The following MEI1 variants were observed in gnomAD, a reference collection of about 807,000 sequenced individuals.
MEI1 encodes the protein meiotic double-stranded break formation protein 1.
A neutral mutation model predicts 146.2 loss-of-function variants in MEI1; 103 were observed. That is an observed-to-expected ratio of 0.70 (90% CI 0.60 to 0.83). The LOEUF (loss-of-function observed/expected upper bound fraction) is 0.83. Among genes scored for constraint, MEI1 ranks in the 40% least tolerant of loss-of-function variants. MEI1 has a pLI of 0.00. For synonymous variants in MEI1, 652 were observed against 628.2 expected, an observed-to-expected ratio of 1.04 and a Z score of -0.57; for missense variants, 1,529 against 1,533.0, an observed-to-expected ratio of 1.00 and a Z score of 0.04.
chr22:41,742,825 G>A (rs888390851), intron 11 of MEI1, among the ~76,000 whole-genome samples: 2 of 152,074 alleles, frequency 1.3e-5, no homozygotes, highest in African/African-American at 2.4e-5. Flanking sequence ...GCTAATTTTT[G>A]TGGAGACTGG....
chr22:41,712,746 G>A (rs2069708745), intron 3 of MEI1, among the ~76,000 whole-genome samples: 1 of 149,900 alleles, frequency 6.7e-6, no homozygotes, highest in African/African-American at 2.5e-5. Flanking sequence ...ACAATATATT[G>A]GGCTTTTCCC....
chr22:41,735,697 G>C (rs1443312280), intron 11 of MEI1, among the ~76,000 whole-genome samples: 2 of 152,126 alleles, frequency 1.3e-5, no homozygotes, highest in Non-Finnish European at 2.9e-5. Flanking sequence ...TATCTTGAAA[G>C]AAAATTCTCT....
intron 15 of MEI1, 111 bp from the exon 16 acceptor site, chr22:41,752,480 C>T: frequency 2.0e-6 from 2 of 985,178 alleles, no homozygotes; most frequent in Admixed American, 2.1e-5. Flanking sequence ...ACATTTTGAA[C>T]CAAGTCTGTG....
chr22:41,717,764 T>C (rs2147366461), intron 5 of MEI1, among the ~76,000 whole-genome samples: 1 of 151,946 alleles, frequency 6.6e-6, no homozygotes, highest in Non-Finnish European at 1.5e-5. Context: ...TACAGGCGTG[T>C]GCCAGCATGC....
chr22:41,709,079 C>T, intron 3 of MEI1: 1 of 546,830 alleles, frequency 1.8e-6, no homozygotes, highest in East Asian at 3.5e-5. Flanking sequence ...ATGCCCCTTC[C>T]CCAAAATATA....
chr22:41,734,345 C>T (rs1237237528), intron 11 of MEI1, among the ~76,000 whole-genome samples: 1 of 152,070 alleles, frequency 6.6e-6, no homozygotes, highest in African/African-American at 2.4e-5. Flanking sequence ...ATAATCCCAG[C>T]ACTTTGGGAG....
chr22:41,783,588 G>A (rs770837243), intron 24 of MEI1, among the ~76,000 whole-genome samples: 2 of 152,170 alleles, frequency 1.3e-5, no homozygotes, highest in Non-Finnish European at 2.9e-5. Flanking sequence ...CACTGTGCCC[G>A]GCTTGTCTTA....
At position 41,723,061 on chromosome 22, in the gene MEI1, C is replaced by T. The variant is rs118172140; in HGVS notation, c.734-882C>T. On this transcript the variant is annotated intron_variant, in intron 6 of 30. Coordinates refer to ENST00000401548, the MANE Select transcript of MEI1 (RefSeq NM_152513.4). ...CTTCTCCCCACTTCACCTACTTTTA[C>T]GTACTTATTTTTCAGATTCAGCTTA... 7.4e-3 allele frequency among the ~76,000 whole-genome samples: 1,128 copies of T among 152,294 alleles called. 10 individuals are homozygous for T. The highest frequency in any genetic ancestry group is 0.03 in the South Asian group (147 of 4,830).
At chr22:41,752,691 C>A (rs1419476408) in intron 16 of MEI1, 40 bp downstream of exon 16, 1 of 1,531,020 alleles carries the variant, frequency 6.5e-7, no homozygotes, top group Non-Finnish European at 8.9e-7. Flanking sequence ...GCCAAGGGGC[C>A]AATGTCCCTC....
chr22:41,714,292 TG>T (rs1439710618), intron 4 of MEI1, among the ~76,000 whole-genome samples: 2 of 152,204 alleles, frequency 1.3e-5, no homozygotes, highest in Admixed American at 6.5e-5. Flanking sequence ...ATCTCCCAAA[TG>T]TTACCTCCAT....
Position 41,795,370 on chromosome 22 carries a change from C to A in MEI1, c.3535-41C>A. ...GCAGTTGTCTATGATGAAGGAGATGCCAAATCACTGGGTGTTTGGGGGTTT... is the reference window on the plus strand; with the variant it reads ...GCAGTTGTCTATGATGAAGGAGATGACAAATCACTGGGTGTTTGGGGGTTT... On this transcript the variant is annotated intron_variant, in intron 28 of 30. Coordinates refer to ENST00000401548, the MANE Select transcript of MEI1 (RefSeq NM_152513.4). The surrounding 1 kb of genome is among the most constrained non-coding windows in gnomAD (Gnocchi z 4.2). The A allele has an allele frequency of 6.2e-7, 1 of 1,609,206 alleles. No homozygotes were observed. The highest frequency in any genetic ancestry group is 8.5e-7 in the Non-Finnish European group (1 of 1,176,814).
At position 41,795,660 on chromosome 22, in the gene MEI1, A is replaced by C. The variant is rs1341904495; in HGVS notation, c.3667-75A>C. ...AAGGAATGGGAGGAGGGAAGTACAG[A>C]GGATGGAGGCAGTTAGGGCCTGTGT... On this transcript the variant is annotated intron_variant, in intron 29 of 30. Transcript: ENST00000401548. The surrounding 1 kb of genome is among the most constrained non-coding windows in gnomAD (Gnocchi z 4.2). The C allele has an allele frequency of 1.7e-5, 27 of 1,589,626 alleles. No homozygotes were observed. The highest frequency in any genetic ancestry group is 2.1e-5 in the Non-Finnish European group (25 of 1,164,448).
chr22:41,764,618 G>T (rs953134579), intron 19 of MEI1, among the ~76,000 whole-genome samples: 2 of 152,230 alleles, frequency 1.3e-5, no homozygotes, highest in Non-Finnish European at 2.9e-5. Flanking sequence ...CTATGAAATA[G>T]GTGAGAGGTT....
At chr22:41,785,396 G>A (rs1320582502) in intron 26 of MEI1, among the ~76,000 whole-genome samples, 1 of 151,676 alleles carries the variant, frequency 6.6e-6, no homozygotes, top group Non-Finnish European at 1.5e-5. Context: ...CCGAGTAGCT[G>A]GGACTACAGG....
At chr22:41,787,345 A>G (rs2076028234) in intron 26 of MEI1, among the ~76,000 whole-genome samples, 1 of 152,196 alleles carries the variant, frequency 6.6e-6, no homozygotes, top group African/African-American at 2.4e-5. Flanking sequence ...TACAGTGAAC[A>G]TTCATACACC....
chr22:41,742,176 C>T lies in MEI1; in HGVS notation c.1332-904C>T, dbSNP rs183449954. On this transcript the variant is annotated intron_variant, in intron 11 of 30. Transcript: ENST00000401548. Reference sequence around the variant, plus strand: ...TCAGGTGGCTGAGGCAGGAGAATTGCTTGGATCTGGGAGATGGAGGTTGCA... The same window carrying T: ...TCAGGTGGCTGAGGCAGGAGAATTGTTTGGATCTGGGAGATGGAGGTTGCA... Among the ~76,000 whole-genome samples, 455 of 152,166 alleles carry T rather than the reference C, an allele frequency of 3.0e-3. 3 individuals are homozygous for T. The highest frequency in any genetic ancestry group is 0.01 in the African/African-American group (429 of 41,504).
chr22:41,714,256 T>C (rs553815271), intron 4 of MEI1, among the ~76,000 whole-genome samples, 181 bp downstream of exon 4: 1 of 152,278 alleles, frequency 6.6e-6, no homozygotes, highest in South Asian at 2.1e-4. Context: ...CCAGTGTTCT[T>C]TACAGCTTTC....
intron 30 of MEI1, among the ~76,000 whole-genome samples, chr22:41,796,546 G>A (rs559774311): frequency 6.6e-6 from 1 of 152,212 alleles, no homozygotes; most frequent in South Asian, 2.1e-4. Flanking sequence ...GGTACTTGTA[G>A]TACAGGTTGA....
chr22:41,742,949 G>A (rs1328950977), intron 11 of MEI1, 131 bp from the exon 12 acceptor site: 7 of 625,514 alleles, frequency 1.1e-5, no homozygotes, highest in Non-Finnish European at 2.0e-5. Flanking sequence ...CTGGCCTGGA[G>A]TAAGGATTTT....
Sources: allele counts gnomAD v4.1 joint callset (sites outside exome capture counted in the v4.1 genomes callset), GRCh38; gene constraint gnomAD v4.1.1; non-coding constraint Gnocchi (gnomAD v3.1); transcripts MANE v1.5; gene names NCBI Gene and HGNC (gene_info 2026-07-23, HGNC 2026-07-21).